Variants in SYNE2 observed in about 807,000 individuals in gnomAD.
The protein encoded by SYNE2 is nesprin-2.
SYNE2 carries 431 observed loss-of-function variants against 856.3 expected under a neutral mutation model. The ratio of observed to expected loss-of-function variants is 0.50; its 90% CI spans 0.47 to 0.55. The LOEUF (loss-of-function observed/expected upper bound fraction) is 0.55, where lower values mean the gene tolerates loss of function less well. Ranked by LOEUF, SYNE2 falls within the 20% of genes least tolerant of loss-of-function variation. The pLI is 0.00. For synonymous variants in SYNE2, 2,923 were observed against 2,872.3 expected, an observed-to-expected ratio of 1.02 and a Z score of -0.56; for missense variants, 8,129 against 8,023.2, an observed-to-expected ratio of 1.01 and a Z score of -0.50.
intron 54 of SYNE2, among the ~76,000 whole-genome samples, chr14:64,076,593 C>A (rs1407975984): frequency 6.6e-6 from 1 of 151,996 alleles, no homozygotes; most frequent in African/African-American, 2.4e-5. Flanking sequence ...AATCTTTATA[C>A]CTGAAAGTCC....
intron 1 of SYNE2, among the ~76,000 whole-genome samples, chr14:63,775,313 T>G (rs1196245116): frequency 6.6e-6 from 1 of 151,832 alleles, no homozygotes; most frequent in East Asian, 1.9e-4. Context: ...CTCACTCTGT[T>G]GCCCAGGCTG....
intron 96 of SYNE2, among the ~76,000 whole-genome samples, chr14:64,185,369 C>T (rs1279181221): frequency 6.6e-6 from 1 of 152,036 alleles, no homozygotes. Context: ...GAATTGTAAG[C>T]ACAATAAAAA....
intron 1 of SYNE2, among the ~76,000 whole-genome samples, chr14:63,777,003 T>C (rs768277251): frequency 1.4e-4 from 21 of 152,212 alleles, no homozygotes; most frequent in Non-Finnish European, 2.8e-4. Context: ...TAGAGACTCC[T>C]AGAGATTTTC....
At chr14:63,937,062 G>A (rs1330381428) in intron 2 of SYNE2, among the ~76,000 whole-genome samples, 2 of 152,184 alleles carry the variant, frequency 1.3e-5, no homozygotes, top group African/African-American at 2.4e-5. Context: ...CTGCTGATGG[G>A]TCCAGCAGGA....
At chr14:63,956,718 T>C (rs1193688127) in intron 8 of SYNE2, among the ~76,000 whole-genome samples, 1 of 152,146 alleles carries the variant, frequency 6.6e-6, no homozygotes, top group Non-Finnish European at 1.5e-5. Flanking sequence ...GTCCTGAGCA[T>C]GTACAGACTT....
chr14:63,960,684 T>C, intron 8 of SYNE2: 1 of 733,450 alleles, frequency 1.4e-6, no homozygotes, highest in Admixed American at 1.8e-5. Flanking sequence ...ATTTTGTCTG[T>C]GACATATTGC....
intron 1 of SYNE2, among the ~76,000 whole-genome samples, chr14:63,824,360 C>T (rs183598541): frequency 1.3e-5 from 2 of 152,050 alleles, no homozygotes; most frequent in East Asian, 1.9e-4. Context: ...ATAACTAGGC[C>T]GAGTGCGGTG....
At chr14:63,882,351 G>C (rs1015281735) in intron 1 of SYNE2, among the ~76,000 whole-genome samples, 2 of 152,088 alleles carry the variant, frequency 1.3e-5, no homozygotes, top group Non-Finnish European at 2.9e-5. Flanking sequence ...TATTCCATAT[G>C]TTGTATTTAT....
intron 23 of SYNE2, among the ~76,000 whole-genome samples, chr14:63,995,573 C>G (rs2096706776): frequency 6.6e-6 from 1 of 152,170 alleles, no homozygotes; most frequent in African/African-American, 2.4e-5. Context: ...TACAAAGCAG[C>G]TGGGGCAAAT....
intron 80 of SYNE2, 87 bp downstream of exon 80, chr14:64,140,160 G>C: frequency 1.5e-6 from 2 of 1,355,596 alleles, no homozygotes; most frequent in Non-Finnish European, 1.0e-6. Flanking sequence ...GATAGTCTTC[G>C]TATTTATTTG....
Position 64,121,190 on chromosome 14 carries a change from G to T in SYNE2, c.13158+129G>T, listed in dbSNP as rs187373019. 2.7e-4 allele frequency: 339 copies of T among 1,274,356 alleles called. 2 individuals are homozygous for T. In the East Asian group the frequency reaches 3.6e-3, roughly 14 times the overall value. 78.9% of individuals were successfully genotyped at this position (1,274,356 alleles called of 1,614,324 possible). A position where few individuals can be genotyped will look rare whatever the true frequency, so the allele number is the denominator to read the frequency against. On this transcript the variant is annotated intron_variant, in intron 68 of 115. Coordinates refer to ENST00000555002, the MANE Select transcript of SYNE2 (RefSeq NM_182914.3). ...GGATCACCTGTGGCCAGGTGTTCGA[G>T]GCCAGCCTGGGCAACATAGCGAGAC...
chr14:64,033,622 A>G (rs1463823580), intron 45 of SYNE2, among the ~76,000 whole-genome samples: 2 of 151,994 alleles, frequency 1.3e-5, no homozygotes, highest in African/African-American at 2.4e-5. Flanking sequence ...GGAGGTCGAG[A>G]CTGTAGTGAG....
At chr14:63,774,599 A>G (rs12897659) in intron 1 of SYNE2, among the ~76,000 whole-genome samples, 8,061 of 149,446 alleles carry the variant, frequency 0.054, 285 homozygotes, top group Admixed American at 0.099. Flanking sequence ...CAGTGGTGTG[A>G]TCACGGCTCA....
Position 64,190,139 on chromosome 14 carries a change from G to T in SYNE2, c.17940G>T (p.Leu5980Phe), listed in dbSNP as rs778928941. The T allele has an allele frequency of 6.2e-7, 1 of 1,614,078 alleles. No homozygotes were observed. Among genetic ancestry groups the T allele is most frequent in the South Asian group, 1.1e-5 (1 of 91,068 alleles). The change falls in exon 99 of 116, where the codon TTG becomes TTT. Residue 5980 changes from leucine (L) to phenylalanine (F), a missense_variant. Physicochemically the swap from Leu to Phe is conservative, Grantham distance 22. Transcript: ENST00000555002. ...AGTTAAAGCAGATGGGTGACCAGTT[G>T]ATCAAGGCCAGCAACAAATCAAGAG... ...KLQLKQMGDQ[L>F]IKASNKSRAA...
intron 45 of SYNE2, among the ~76,000 whole-genome samples, chr14:64,039,235 G>A (rs957186721): frequency 6.6e-6 from 1 of 152,212 alleles, no homozygotes; most frequent in Non-Finnish European, 1.5e-5. Context: ...TTGTTGCCAG[G>A]TTACAAGTAT....
At chr14:63,868,474 TA>T (rs570492284) in intron 1 of SYNE2, among the ~76,000 whole-genome samples, 2,310 of 138,014 alleles carry the variant, frequency 0.017, 25 homozygotes, top group African/African-American at 0.041. Flanking sequence ...GACCCTGCCT[TA>T]AAAAAAAAAA....
intron 32 of SYNE2, among the ~76,000 whole-genome samples, chr14:64,013,376 T>C (rs934810335): frequency 2.6e-5 from 4 of 151,582 alleles, no homozygotes; most frequent in Admixed American, 6.6e-5. Flanking sequence ...ATTTCTTATA[T>C]GCGTATATTG....
At chr14:64,170,019 A>G (rs930033372) in intron 93 of SYNE2, among the ~76,000 whole-genome samples, 1 of 152,210 alleles carries the variant, frequency 6.6e-6, no homozygotes, top group African/African-American at 2.4e-5. Flanking sequence ...GGTTACGTGC[A>G]GATACCTTCT....
chr14:64,100,528 AAAAATATATATATATATATAT>A (rs2097715726), intron 63 of SYNE2, among the ~76,000 whole-genome samples: 1 of 74,418 alleles, frequency 1.3e-5, no homozygotes, highest in Non-Finnish European at 2.3e-5. Context: ...AAAAAAAAAA[AAAAATATATATATATATATAT>A]ATATATATAT....
Sources: allele counts gnomAD v4.1 joint callset (sites outside exome capture counted in the v4.1 genomes callset), GRCh38; gene constraint gnomAD v4.1.1; transcripts MANE v1.5; gene names NCBI Gene and HGNC (gene_info 2026-07-23, HGNC 2026-07-21).